Variants in TRIM5 observed in about 807,000 individuals in gnomAD.
The protein encoded by TRIM5 is tripartite motif-containing protein 5.
Under a neutral mutation model 35.6 loss-of-function variants are expected in TRIM5, and 31 were observed. The ratio of observed to expected loss-of-function variants is 0.87; its 90% CI spans 0.65 to 1.18. The LOEUF (loss-of-function observed/expected upper bound fraction) is 1.18, where lower values mean the gene tolerates loss of function less well. TRIM5 is among the 50% of genes most tolerant of loss of function. The pLI is 0.00. For synonymous variants in TRIM5, 243 were observed against 215.6 expected (o/e 1.13, Z -1.11); for missense variants, 609 against 591.6 (o/e 1.03, Z -0.31).
chr11:5,676,424 G>T (rs906567243), intron 4 of TRIM5, among the ~76,000 whole-genome samples: 1 of 152,110 alleles, frequency 6.6e-6, no homozygotes, highest in African/African-American at 2.4e-5. Context: ...TCTTCAAGGA[G>T]AACTACAAAC....
the TRIM5 span, chr11:5,596,959 C>T: frequency 1.2e-6 from 2 of 1,613,950 alleles, no homozygotes; most frequent in Admixed American, 3.3e-5. Flanking sequence ...TCACTTCTGG[C>T]AGAGGTGACA....
chr11:5,597,060 T>C, the TRIM5 span: 1 of 1,119,318 alleles, frequency 8.9e-7, no homozygotes, highest in Non-Finnish European at 1.2e-6. Flanking sequence ...CCCACTGAGG[T>C]TAGAGACATT....
chr11:5,685,029 TG>T lies in TRIM5; in HGVS notation c.-224del, dbSNP rs1193988931. ...GGATTCACTCACCAATCCACGGGCC[TG>T]ATCTGCACAAAGGAATTTTCCTAGA... On this transcript the variant is annotated 5_prime_UTR_variant, in exon 1 of 8. Transcript: ENST00000380034. 6.6e-6 allele frequency: 1 copy of T among 152,168 alleles called. No individual in the cohort carries two copies. Among genetic ancestry groups the T allele is most frequent in the East Asian group, 1.9e-4 (1 of 5,190 alleles). The allele number at this position is 152,168 out of a possible 1,614,324, so 9.4% of individuals were successfully genotyped here.
chr11:5,628,097 G>A, the TRIM5 span, among the ~76,000 whole-genome samples: 1 of 152,172 alleles, frequency 6.6e-6, no homozygotes, highest in Non-Finnish European at 1.5e-5. Flanking sequence ...AAGTGGTGGG[G>A]TCATTTCTCA....
chr11:5,654,276 C>T, the TRIM5 span, among the ~76,000 whole-genome samples: 6 of 152,052 alleles, frequency 3.9e-5, no homozygotes, highest in Non-Finnish European at 7.4e-5. Context: ...GGTTAATAGT[C>T]ATTTCTTCCA....
rs200209793 is a variant in TRIM5 at position 5,680,002 on chromosome 11, C to T, written c.176G>A (p.Arg59Gln). The change falls in exon 2 of 8, where the codon CGG (arginine) becomes CAG (glutamine). Residue 59 changes from arginine to glutamine, a missense_variant. Coordinates refer to ENST00000380034, the MANE Select transcript of TRIM5 (RefSeq NM_033034.3). ...TATGTTCTCAGGCTGGTAACTGATC[C>T]GGCACACAGGGCAGCTACTCTCTCC... is the stretch of plus-strand genomic sequence containing the variant. ...DKGESSCPVC[R>Q]ISYQPENIRP... is the part of the protein sequence containing the mutation. 6.9e-5 allele frequency: 111 copies of T among 1,614,052 alleles called. No homozygotes were observed. In the East Asian group the frequency reaches 1.1e-3, roughly 16 times the overall value.
the TRIM5 span, among the ~76,000 whole-genome samples, chr11:5,606,813 G>C: frequency 1.3e-5 from 2 of 152,158 alleles, no homozygotes; most frequent in Admixed American, 1.3e-4. Flanking sequence ...ATTTAAACTT[G>C]AGTAGTCTTT....
the TRIM5 span, chr11:5,611,721 G>A: frequency 2.4e-5 from 5 of 211,830 alleles, no homozygotes; most frequent in Non-Finnish European, 2.9e-5. Flanking sequence ...CCAAAGTGCT[G>A]GGATTACAGA....
the TRIM5 span, chr11:5,603,159 C>T: frequency 1.3e-6 from 2 of 1,522,854 alleles, no homozygotes; most frequent in Non-Finnish European, 1.8e-6. Flanking sequence ...GGTGTCTGAC[C>T]TCTTTATCCA....
the TRIM5 span, chr11:5,611,482 C>A: frequency 2.6e-6 from 2 of 780,410 alleles, no homozygotes; most frequent in South Asian, 1.8e-5. Context: ...GAGATGGAAT[C>A]TCGCTCTGTC....
chr11:5,638,337 G>A, the TRIM5 span, among the ~76,000 whole-genome samples: 1 of 152,194 alleles, frequency 6.6e-6, no homozygotes, highest in East Asian at 1.9e-4. Flanking sequence ...TTGTGACAGA[G>A]GTTTGAGCTT....
the TRIM5 span, among the ~76,000 whole-genome samples, chr11:5,637,443 T>C: frequency 6.6e-6 from 1 of 152,238 alleles, no homozygotes; most frequent in Non-Finnish European, 1.5e-5. Context: ...TTTAGGTTGT[T>C]TCCCTTATAA....
At chr11:5,682,477 C>A (rs1296227718) in intron 1 of TRIM5, among the ~76,000 whole-genome samples, 2 of 151,962 alleles carry the variant, frequency 1.3e-5, no homozygotes, top group Non-Finnish European at 2.9e-5. Flanking sequence ...ACCAGGGAAG[C>A]CCTGATGAAA....
the TRIM5 span, chr11:5,612,516 AC>A: frequency 2.0e-5 from 3 of 152,252 alleles, no homozygotes; most frequent in Non-Finnish European, 4.4e-5. Context: ...TAGAAAGAAA[AC>A]ACAAAGAGAA....
chr11:5,605,379 A>C, the TRIM5 span: 2 of 1,614,142 alleles, frequency 1.2e-6, no homozygotes, highest in Non-Finnish European at 1.7e-6. Context: ...GACAGAGTTT[A>C]ATCAGCTGCG....
At chr11:5,631,991 G>C in the TRIM5 span, among the ~76,000 whole-genome samples, 3 of 152,294 alleles carry the variant, frequency 2.0e-5, no homozygotes, top group Admixed American at 1.3e-4. Context: ...CTGATGAAGG[G>C]ACATGTAAGG....
chr11:5,643,584 A>C, the TRIM5 span: 1 of 1,613,928 alleles, frequency 6.2e-7, no homozygotes, highest in Admixed American at 1.7e-5. Flanking sequence ...CTCATTTTTC[A>C]ATGTCACAAG....
chr11:5,680,120 C>T lies in TRIM5; in HGVS notation c.58G>A (p.Glu20Lys), dbSNP rs781310308. The change falls in exon 2 of 8, where the codon GAA (glutamate) becomes AAA (lysine). Residue 20 changes from glutamate (E) to lysine (K), a missense_variant. Physicochemically the swap from Glu to Lys is moderately conservative, Grantham distance 56. Transcript: ENST00000380034. ...KEEVTCPICLELLTQPLSLDC... is the reference protein window; with the variant it reads ...KEEVTCPICLKLLTQPLSLDC... ...AGGCTCAGGGGTTGTGTCAGGAGTT[C>T]CAGGCAGATGGGGCAGGTCACCTCC... 6.2e-7 allele frequency: 1 copy of T among 1,613,908 alleles called. No homozygotes were observed. Among genetic ancestry groups the T allele is most frequent in the East Asian group, 2.2e-5 (1 of 44,864 alleles).
intron 4 of TRIM5, among the ~76,000 whole-genome samples, chr11:5,674,981 G>T (rs749551878): frequency 1.4e-4 from 21 of 152,130 alleles, no homozygotes; most frequent in Non-Finnish European, 2.9e-4. Flanking sequence ...GCAGAATGTG[G>T]CAATTATAGT....
Sources: allele counts gnomAD v4.1 joint callset (sites outside exome capture counted in the v4.1 genomes callset), GRCh38; gene constraint gnomAD v4.1.1; transcripts MANE v1.5; gene names NCBI Gene and HGNC (gene_info 2026-07-23, HGNC 2026-07-21).